ZNF331: variants seen among roughly 807,000 people sequenced by gnomAD.
ZNF331 encodes the protein zinc finger protein 331.
A neutral mutation model predicts 7.0 loss-of-function variants in ZNF331; 2 were observed. The ratio of observed to expected loss-of-function variants is 0.29; its 90% CI spans 0.12 to 0.90. ZNF331 has a LOEUF of 0.90. ZNF331 is among the 40% of genes least tolerant of loss of function. The pLI is 0.58. For synonymous variants in ZNF331, 196 were observed against 205.4 expected, an observed-to-expected ratio of 0.95 and a Z score of 0.39; for missense variants, 432 against 587.7, an observed-to-expected ratio of 0.74 and a Z score of 2.74.
chr19:53,529,324 C>T (rs905828220), intron 2 of ZNF331, among the ~76,000 whole-genome samples: 8 of 151,210 alleles, frequency 5.3e-5, no homozygotes, highest in African/African-American at 1.5e-4. Flanking sequence ...GGCGTGAACC[C>T]GGGAGGTGGA....
At chr19:53,563,146 G>A (rs1490764186) in intron 3 of ZNF331, among the ~76,000 whole-genome samples, 1 of 143,402 alleles carries the variant, frequency 7.0e-6, no homozygotes, top group Non-Finnish European at 1.5e-5. Context: ...GGAGTGCAAG[G>A]GCGTGATCTC....
chr19:53,521,862 C>G (rs2087101878), exon 1 of ZNF331: 1 of 152,378 alleles, frequency 6.6e-6, no homozygotes. Context: ...CTAGTGTCTC[C>G]GTTGCTTCCT....
At position 53,569,220 on chromosome 19, in the gene ZNF331, A is replaced by G. The variant is rs2147637094; in HGVS notation, c.-73-84A>G. The G allele has an allele frequency of 2.0e-5, 14 of 706,384 alleles. No homozygotes were observed. The South Asian group carries it at 2.4e-4, about 12-fold the overall frequency. 43.8% of individuals were successfully genotyped at this position (706,384 alleles called of 1,614,324 possible). On this transcript the variant is annotated intron_variant, in intron 3 of 5. Coordinates refer to ENST00000449416, the MANE Select transcript of ZNF331 (RefSeq NM_001079906.2). ...GTTATGTGTTTGTGTTGGGAAGCCA[A>G]GACAGAGGAGCCAAAAGGTCATATT...
At chr19:53,512,923 T>A in the ZNF331 span, among the ~76,000 whole-genome samples, 5 of 150,258 alleles carry the variant, frequency 3.3e-5, no homozygotes, top group African/African-American at 7.3e-5. Context: ...ACCAAACCAG[T>A]CCCTGGTGCC....
rs1194868255 is a variant in ZNF331 at position 53,546,346 on chromosome 19, TCCTCCCTAATAGCA to T, written c.-138+7065_-138+7078del. ...TCTTTACTCTTTATGGCCCCAAATA[TCCTCCCTAATAGCA>T]ATTTATCCCAGTAATTCCTCCCCAG... On this transcript the variant is annotated intron_variant, in intron 2 of 5. Transcript: ENST00000449416. 5.9e-5 allele frequency among the ~76,000 whole-genome samples: 9 copies of T among 152,112 alleles called. No individual in the cohort carries two copies. In the South Asian group the frequency reaches 1.9e-3, roughly 31 times the overall value.
upstream of ZNF331, among the ~76,000 whole-genome samples, chr19:53,533,259 C>T (rs1029832924): frequency 2.0e-5 from 3 of 152,074 alleles, no homozygotes; most frequent in Non-Finnish European, 4.4e-5. Flanking sequence ...CCTACTGGTA[C>T]TTATCATGTT....
intron 2 of ZNF331, among the ~76,000 whole-genome samples, chr19:53,549,195 C>T (rs960059312): frequency 6.6e-6 from 1 of 152,132 alleles, no homozygotes; most frequent in Non-Finnish European, 1.5e-5. Flanking sequence ...TTTAAGAGAT[C>T]GTCCTTTCCC....
chr19:53,504,804 T>C, the ZNF331 span, among the ~76,000 whole-genome samples: 3 of 152,216 alleles, frequency 2.0e-5, no homozygotes, highest in African/African-American at 7.2e-5. Flanking sequence ...GGGACAGATG[T>C]GACTTTGTGT....
chr19:53,506,322 G>A, the ZNF331 span, among the ~76,000 whole-genome samples: 10 of 90,806 alleles, frequency 1.1e-4, no homozygotes, highest in Non-Finnish European at 1.3e-4. Flanking sequence ...GCGACAGAGC[G>A]AGACTCCGTC....
chr19:53,567,504 G>A (rs1189286331), intron 3 of ZNF331, among the ~76,000 whole-genome samples: 2 of 152,040 alleles, frequency 1.3e-5, no homozygotes, highest in Non-Finnish European at 2.9e-5. Flanking sequence ...CCTCACTTCT[G>A]ACACCACTGC....
chr19:53,506,486 G>GTCTCTCTCTCTCTCTCTCTCTGTCTC, the ZNF331 span, among the ~76,000 whole-genome samples: 1 of 68,658 alleles, frequency 1.5e-5, no homozygotes, highest in Admixed American at 1.6e-4. Context: ...CTCTCTGTCT[G>GTCTCTCTCTCTCTCTCTCTCTGTCTC]TCTCTCTCTC....
the ZNF331 span, chr19:53,512,480 C>G: frequency 6.6e-6 from 1 of 152,236 alleles, no homozygotes; most frequent in Admixed American, 6.5e-5. Flanking sequence ...GTAGCAGGAT[C>G]TGGGCTGCTT....
chr19:53,537,706 CTCT>C (rs1260383450), upstream of ZNF331: 2 of 152,276 alleles, frequency 1.3e-5, no homozygotes, highest in African/African-American at 4.8e-5. Context: ...GCCCCGCGTC[CTCT>C]TCTAGCCTCA....
Position 53,578,708 on chromosome 19 carries a change from G to A in ZNF331, c.*756G>A, listed in dbSNP as rs2090826122. 1 of 210,158 alleles carries A rather than the reference G, an allele frequency of 4.8e-6. No individual in the cohort carries two copies. 13.0% of individuals were successfully genotyped at this position (210,158 alleles called of 1,614,324 possible). The stretch of plus-strand genomic sequence containing the variant: ...AGGGGACTGCTGTACAAAGAATATA[G>A]GAAGGCCTCTAGACTACATCCATTC... On this transcript the variant is annotated 3_prime_UTR_variant, in exon 6 of 6. Coordinates refer to ENST00000449416, the MANE Select transcript of ZNF331 (RefSeq NM_001079906.2).
At position 53,542,000 on chromosome 19, in the gene ZNF331, T is replaced by TC. The variant is rs548718067; in HGVS notation, c.-138+2719dup. ...CTGGGCAACAAAGGGAGACAGTGTC[T>TC]CAAAAAAAAAAACAAGAAAAAAACA... On this transcript the variant is annotated intron_variant, in intron 2 of 5. Coordinates refer to ENST00000449416, the MANE Select transcript of ZNF331 (RefSeq NM_001079906.2). Among the ~76,000 whole-genome samples, 500 of 132,418 alleles carry TC rather than the reference T, an allele frequency of 3.8e-3. 4 individuals carry two copies. The highest frequency in any genetic ancestry group is 0.016 in the African/African-American group (481 of 30,898). The allele number at this position is 132,418 out of a possible 152,430, so 86.9% of individuals were successfully genotyped here.
chr19:53,541,084 G>T (rs367771760), intron 2 of ZNF331, among the ~76,000 whole-genome samples: 8 of 151,248 alleles, frequency 5.3e-5, no homozygotes, highest in African/African-American at 1.9e-4. Flanking sequence ...GAGAGGCAAC[G>T]AGAGAACAAT....
At chr19:53,506,411 C>CCTCTCTCTCT in the ZNF331 span, among the ~76,000 whole-genome samples, 2 of 74,406 alleles carry the variant, frequency 2.7e-5, no homozygotes, top group African/African-American at 6.4e-5. Flanking sequence ...CTCTCTCTCT[C>CCTCTCTCTCT]CTCTCTCTCT....
At chr19:53,515,431 T>A (rs2086880332), upstream of ZNF331, among the ~76,000 whole-genome samples, 1 of 91,796 alleles carries the variant, frequency 1.1e-5, no homozygotes, top group African/African-American at 6.4e-5. Context: ...AGCATTTGTG[T>A]CATTTTAACA....
intron 5 of ZNF331, among the ~76,000 whole-genome samples, chr19:53,574,632 T>C (rs376351879): frequency 6.6e-5 from 10 of 152,132 alleles, no homozygotes; most frequent in East Asian, 3.9e-4. Context: ...CTTTTTCTCA[T>C]ATCTAGGTGT....
Sources: allele counts gnomAD v4.1 joint callset (sites outside exome capture counted in the v4.1 genomes callset), GRCh38; gene constraint gnomAD v4.1.1; transcripts MANE v1.5; gene names NCBI Gene and HGNC (gene_info 2026-07-23, HGNC 2026-07-21).